The following PLCB1 variants were observed in gnomAD, a reference collection of about 807,000 sequenced individuals.
The protein encoded by PLCB1 is phospholipase C beta 1, also known as 1-phosphatidylinositol 4,5-bisphosphate phosphodiesterase beta-1.
A neutral mutation model predicts 161.8 loss-of-function variants in PLCB1; 46 were observed. The ratio of observed to expected loss-of-function variants is 0.28; its 90% CI spans 0.22 to 0.36. The LOEUF is 0.36. Ranked by LOEUF, PLCB1 falls within the 10% of genes least tolerant of loss-of-function variation. The pLI is 1.00. For synonymous variants in PLCB1, 517 were observed against 503.7 expected (o/e 1.03, Z -0.35); for missense variants, 1,016 against 1,472.5 (o/e 0.69, Z 5.07).
At chr20:8,451,060 G>A (rs1364641039) in intron 3 of PLCB1, among the ~76,000 whole-genome samples, 7 of 152,176 alleles carry the variant, frequency 4.6e-5, no homozygotes, top group Admixed American at 4.6e-4. Flanking sequence ...GTAGTGGGGT[G>A]AATGCTAAAT....
At chr20:8,654,471 A>G (rs1989399363) in intron 7 of PLCB1, among the ~76,000 whole-genome samples, 3 of 152,116 alleles carry the variant, frequency 2.0e-5, no homozygotes, top group Non-Finnish European at 2.9e-5. Flanking sequence ...ATTATATACC[A>G]GGCACCATGC....
At chr20:8,789,405 AAAAAAG>A in intron 29 of PLCB1, 107 bp from the exon 30 acceptor site, 1 of 766,146 alleles carries the variant, frequency 1.3e-6, no homozygotes, top group Non-Finnish European at 2.3e-6. Context: ...AAAAATAAGG[AAAAAAG>A]AAAAAGAATG....
intron 3 of PLCB1, among the ~76,000 whole-genome samples, chr20:8,555,269 T>A (rs1178961996): frequency 6.6e-6 from 1 of 151,970 alleles, no homozygotes; most frequent in Non-Finnish European, 1.5e-5. Context: ...GTTGAATGGG[T>A]TTCAAAAGGC....
At chr20:8,536,454 C>T (rs1304618688) in intron 3 of PLCB1, among the ~76,000 whole-genome samples, 1 of 152,102 alleles carries the variant, frequency 6.6e-6, no homozygotes, top group Non-Finnish European at 1.5e-5. Context: ...TGTTCTAGTG[C>T]CCTATTGCTG....
rs117850141 is a variant in PLCB1, at chr20:8,342,401, A to G, written c.178-28981A>G. Reference sequence around the variant, plus strand: ...CAAAATAAGGAAGATGCACTGGTCTATATTTTCTTTCCTTTGACTTTCCAC... The same window carrying G: ...CAAAATAAGGAAGATGCACTGGTCTGTATTTTCTTTCCTTTGACTTTCCAC... On this transcript the variant is annotated intron_variant, in intron 2 of 31. Coordinates refer to ENST00000338037, the MANE Select transcript of PLCB1 (RefSeq NM_015192.4). 8.9e-3 allele frequency among the ~76,000 whole-genome samples: 1,357 copies of G among 152,360 alleles called. 14 individuals carry two copies. Among genetic ancestry groups the G allele is most frequent in the Non-Finnish European group, 0.013 (856 of 68,034 alleles).
intron 3 of PLCB1, among the ~76,000 whole-genome samples, chr20:8,434,752 A>C (rs771941): frequency 0.64 from 98,074 of 152,094 alleles, 31,775 homozygotes; most frequent in East Asian, 0.7. Context: ...AGAGCTCATG[A>C]GCTTAACCAG....
In PLCB1 at chr20:8,821,501, GTATATATA is replaced by G. The variant is rs552044656; in HGVS notation, c.3423+31290_3423+31297del. ...TCAAAAAAAAAAAAAAAAAAAATAT[GTATATATA>G]TATATATATATATATATATATATAT... On this transcript the variant is annotated intron_variant, in intron 31 of 31. Coordinates refer to ENST00000338037, the MANE Select transcript of PLCB1 (RefSeq NM_015192.4). Among the ~76,000 whole-genome samples the G allele has an allele frequency of 4.6e-3, 193 of 42,354 alleles. 23 individuals are homozygous for G. Among genetic ancestry groups the G allele is most frequent in the Non-Finnish European group, 6.6e-3 (140 of 21,232 alleles). 27.8% of individuals were successfully genotyped at this position (42,354 alleles called of 152,430 possible). A position where few individuals can be genotyped will look rare whatever the true frequency, so the allele number is the denominator to read the frequency against.
At chr20:8,701,444 G>C (rs1027739787) in intron 11 of PLCB1, among the ~76,000 whole-genome samples, 1 of 152,000 alleles carries the variant, frequency 6.6e-6, no homozygotes. Flanking sequence ...TCTCAGTGAG[G>C]CCTCCTGGGA....
Position 8,132,651 on chromosome 20 carries a change from G to A in PLCB1, c.-1G>A. 1 of 1,609,848 alleles carries A rather than the reference G, an allele frequency of 6.2e-7. No homozygotes were observed. The highest frequency in any genetic ancestry group is 8.5e-7 in the Non-Finnish European group (1 of 1,177,950). On this transcript the variant is annotated 5_prime_UTR_variant, in exon 1 of 32. Coordinates refer to ENST00000338037, the MANE Select transcript of PLCB1 (RefSeq NM_015192.4). This position sits in a 1 kb window ranked among gnomAD's most constrained non-coding sequence, Gnocchi z 5.2. ...GCCGCCCGGAGCCCAGATGAGCCCAGATGGCCGGGGCTCAACCCGGAGTGC... is the reference window on the plus strand; with the variant it reads ...GCCGCCCGGAGCCCAGATGAGCCCAAATGGCCGGGGCTCAACCCGGAGTGC...
chr20:8,808,464 C>G (rs1357760378), intron 31 of PLCB1, among the ~76,000 whole-genome samples: 1 of 152,158 alleles, frequency 6.6e-6, no homozygotes, highest in Non-Finnish European at 1.5e-5. Context: ...ACCTTAATTA[C>G]TTCATTAAAG....
At chr20:8,824,283 G>A (rs554990862) in intron 31 of PLCB1, among the ~76,000 whole-genome samples, 19 of 152,206 alleles carry the variant, frequency 1.2e-4, no homozygotes, top group Non-Finnish European at 2.9e-5. Flanking sequence ...TCTGGAAAGG[G>A]GACATTGGGA....
intron 6 of PLCB1, 52 bp from the exon 7 acceptor site, chr20:8,649,321 CT>C: frequency 8.9e-7 from 1 of 1,121,306 alleles, no homozygotes; most frequent in Non-Finnish European, 1.4e-6. Context: ...TCTGTTAGTG[CT>C]GTGATCCATG....
At position 8,395,048 on chromosome 20, in the gene PLCB1, C is replaced by T. The variant is rs527409822; in HGVS notation, c.246+23598C>T. ...TTAATTAAAAATTAAATTTGACTCT[C>T]TTTAGTTGAAATTAGTCATTTTGTA... On this transcript the variant is annotated intron_variant, in intron 3 of 31. Coordinates refer to ENST00000338037, the MANE Select transcript of PLCB1 (RefSeq NM_015192.4). 5.9e-5 allele frequency among the ~76,000 whole-genome samples: 9 copies of T among 152,186 alleles called. No homozygotes were observed. In the East Asian group the frequency reaches 1.7e-3, roughly 29 times the overall value.
At chr20:8,820,151 T>G (rs923888960) in intron 31 of PLCB1, among the ~76,000 whole-genome samples, 1 of 148,262 alleles carries the variant, frequency 6.7e-6, no homozygotes, top group Non-Finnish European at 1.5e-5. Flanking sequence ...GGTGAATAGG[T>G]GGATACGAAT....
chr20:8,840,757 C>G (rs1986471407), intron 31 of PLCB1, among the ~76,000 whole-genome samples: 5 of 152,150 alleles, frequency 3.3e-5, no homozygotes, highest in African/African-American at 1.2e-4. Flanking sequence ...AAAATATAAT[C>G]TGAGCTACAT....
At chr20:8,778,008 T>C (rs976269069) in intron 27 of PLCB1, among the ~76,000 whole-genome samples, 3 of 152,044 alleles carry the variant, frequency 2.0e-5, no homozygotes, top group Non-Finnish European at 2.9e-5. Flanking sequence ...CATGATTCAT[T>C]ACCTCCCACC....
At chr20:8,592,160 A>C (rs1987168268) in intron 3 of PLCB1, among the ~76,000 whole-genome samples, 1 of 152,248 alleles carries the variant, frequency 6.6e-6, no homozygotes, top group South Asian at 2.1e-4. Flanking sequence ...CCATGTGGCC[A>C]ATCTTTGACC....
At chr20:8,539,777 C>T (rs1175446063) in intron 3 of PLCB1, among the ~76,000 whole-genome samples, 2 of 147,616 alleles carry the variant, frequency 1.4e-5, no homozygotes, top group Non-Finnish European at 3.0e-5. Context: ...TCTTTCCTTC[C>T]TTCCTTCCTT....
At chr20:8,452,317 C>G (rs1600410794) in intron 3 of PLCB1, among the ~76,000 whole-genome samples, 1 of 152,014 alleles carries the variant, frequency 6.6e-6, no homozygotes, top group Admixed American at 6.6e-5. Context: ...TCAGGACACT[C>G]CCAGGAATTT....
Sources: gnomAD v4.1 joint callset for allele counts (sites outside exome capture counted in the v4.1 genomes callset) on GRCh38, gnomAD v4.1.1 for gene constraint, Gnocchi (gnomAD v3.1) non-coding constraint, MANE v1.5 for transcripts, NCBI Gene and HGNC (gene_info 2026-07-23, HGNC 2026-07-21) for gene names.